The following E2F3 variants were observed in gnomAD, a reference collection of about 807,000 sequenced individuals.
The protein encoded by E2F3 is E2F transcription factor 3.
In E2F3, 11 loss-of-function variants were observed where a neutral mutation model predicts 44.4. That is an observed-to-expected ratio of 0.25 (90% CI 0.16 to 0.41). E2F3 has a LOEUF of 0.41. E2F3 is among the 10% of genes least tolerant of loss of function. The probability of loss-of-function intolerance (pLI) is 1.00; values close to 1 mark genes in which losing one functional copy is unlikely to be tolerated. For missense variants in E2F3, 487 were observed against 583.6 expected (o/e 0.83, Z 1.70); for synonymous variants, 249 against 253.0 (o/e 0.98, Z 0.15).
At chr6:20,417,313 T>C (rs992716920) in intron 1 of E2F3, among the ~76,000 whole-genome samples, 1 of 152,172 alleles carries the variant, frequency 6.6e-6, no homozygotes, top group Admixed American at 6.5e-5. Flanking sequence ...TGGTACAGTC[T>C]TCCCCCCAAT....
At chr6:20,477,914 G>A (rs940314700) in intron 1 of E2F3, among the ~76,000 whole-genome samples, 4 of 152,074 alleles carry the variant, frequency 2.6e-5, no homozygotes, top group Admixed American at 2.0e-4. Context: ...ACTCATGGCC[G>A]GGTGCAGTGG....
intron 1 of E2F3, among the ~76,000 whole-genome samples, chr6:20,478,088 A>G (rs1337849138): frequency 2.0e-5 from 3 of 151,856 alleles, no homozygotes; most frequent in Non-Finnish European, 2.9e-5. Context: ...GGTCCCATCT[A>G]CTCAGGAGGC....
chr6:20,416,154 T>C (rs965898694), intron 1 of E2F3, among the ~76,000 whole-genome samples: 2 of 152,228 alleles, frequency 1.3e-5, no homozygotes, highest in African/African-American at 4.8e-5. Context: ...CTGACATTTG[T>C]TGTCTTCCTC....
intron 5 of E2F3, 73 bp from the exon 6 acceptor site, chr6:20,488,040 T>C: frequency 6.3e-7 from 1 of 1,589,850 alleles, no homozygotes; most frequent in African/African-American, 1.4e-5. Context: ...CTTTCCATTT[T>C]TAGACAAGAA....
intron 1 of E2F3, among the ~76,000 whole-genome samples, chr6:20,428,773 G>C (rs1398796257): frequency 6.6e-6 from 1 of 152,148 alleles, no homozygotes; most frequent in Non-Finnish European, 1.5e-5. Context: ...TATTTTAATT[G>C]TTCCGTAAAT....
At chr6:20,432,540 G>A (rs1280044606) in intron 1 of E2F3, among the ~76,000 whole-genome samples, 1 of 152,250 alleles carries the variant, frequency 6.6e-6, no homozygotes, top group Non-Finnish European at 1.5e-5. Context: ...TACTTCTTCA[G>A]TGGGCTGAGT....
chr6:20,422,639 A>G (rs915315280), intron 1 of E2F3, among the ~76,000 whole-genome samples: 1 of 152,166 alleles, frequency 6.6e-6, no homozygotes, highest in Non-Finnish European at 1.5e-5. Flanking sequence ...TTAAGAGACC[A>G]TTGTGGGATT....
At chr6:20,473,563 A>AT (rs1320651089) in intron 1 of E2F3, among the ~76,000 whole-genome samples, 1 of 152,192 alleles carries the variant, frequency 6.6e-6, no homozygotes, top group Non-Finnish European at 1.5e-5. Flanking sequence ...TAATAATCTA[A>AT]TTCAGCTGCC....
Position 20,403,545 on chromosome 6 carries a change from A to G in E2F3, c.393+920A>G. ...GGTGACGTTTCGCACACGTGCGCGC[A>G]GGACGCGCCTGTGACTGGGGAGGAG... is the stretch of plus-strand genomic sequence containing the variant. On this transcript the variant is annotated intron_variant, in intron 1 of 6. Transcript: ENST00000346618. 2 of 417,788 alleles carry G rather than the reference A, an allele frequency of 4.8e-6. 1 individual carries two copies. Among genetic ancestry groups the G allele is most frequent in the South Asian group, 7.3e-5 (2 of 27,328 alleles). The allele number at this position is 417,788 out of a possible 1,614,324, so 25.9% of individuals were successfully genotyped here. A position where few individuals can be genotyped will look rare whatever the true frequency, so the allele number is the denominator to read the frequency against.
chr6:20,443,358 G>T (rs1230983399), intron 1 of E2F3, among the ~76,000 whole-genome samples: 2 of 152,168 alleles, frequency 1.3e-5, no homozygotes, highest in Non-Finnish European at 2.9e-5. Flanking sequence ...CCCAGTTTGG[G>T]ATTATTAATA....
At chr6:20,416,068 A>G (rs140970814) in intron 1 of E2F3, among the ~76,000 whole-genome samples, 2 of 152,232 alleles carry the variant, frequency 1.3e-5, no homozygotes, top group African/African-American at 4.8e-5. Context: ...TTCTTACCTC[A>G]CAGAGTTACT....
At chr6:20,411,815 G>T (rs1759683352) in intron 1 of E2F3, among the ~76,000 whole-genome samples, 1 of 152,296 alleles carries the variant, frequency 6.6e-6, no homozygotes, top group South Asian at 2.1e-4. Context: ...CTTCTTTCCT[G>T]TAACACCTCA....
At chr6:20,480,725 T>G (rs534973374) in intron 2 of E2F3, among the ~76,000 whole-genome samples, 2 of 152,234 alleles carry the variant, frequency 1.3e-5, no homozygotes, top group East Asian at 3.9e-4. Context: ...GGTGAACAGG[T>G]GATACACGCA....
At chr6:20,446,439 A>T (rs1416263486) in intron 1 of E2F3, among the ~76,000 whole-genome samples, 1 of 152,266 alleles carries the variant, frequency 6.6e-6, no homozygotes, top group African/African-American at 2.4e-5. Flanking sequence ...TACACGGCAC[A>T]TAAGGGCATT....
chr6:20,416,541 A>G (rs917306512), intron 1 of E2F3, among the ~76,000 whole-genome samples: 11 of 152,104 alleles, frequency 7.2e-5, no homozygotes, highest in Non-Finnish European at 1.3e-4. Flanking sequence ...GTGGTGCTGG[A>G]CCAGCAGCAT....
At chr6:20,411,456 C>T (rs775948990) in intron 1 of E2F3, among the ~76,000 whole-genome samples, 8 of 152,198 alleles carry the variant, frequency 5.3e-5, no homozygotes, top group Non-Finnish European at 1.0e-4. Flanking sequence ...TTCCCCTTCG[C>T]CTTGCCCTCT....
chr6:20,485,982 T>C (rs1034207687), intron 4 of E2F3, among the ~76,000 whole-genome samples: 21 of 152,122 alleles, frequency 1.4e-4, no homozygotes, highest in African/African-American at 5.1e-4. Context: ...TTCCTGCAAA[T>C]TGGAATCTGC....
chr6:20,452,124 T>C (rs1761151846), intron 1 of E2F3, among the ~76,000 whole-genome samples: 1 of 152,208 alleles, frequency 6.6e-6, no homozygotes, highest in South Asian at 2.1e-4. Flanking sequence ...ACAGTGGGAA[T>C]GGTACCAGCT....
At position 20,436,495 on chromosome 6, in the gene E2F3, A is replaced by AG. The variant is rs1491304107; in HGVS notation, c.393+33870_393+33871insG. ...CACACACACAGAGAGAGAGAGAGAG[A>AG]AAAATTTTGTAACGTTTTAAGAAAC... On this transcript the variant is annotated intron_variant, in intron 1 of 6. Coordinates refer to ENST00000346618, the MANE Select transcript of E2F3 (RefSeq NM_001949.5). Among the ~76,000 whole-genome samples, 5 of 73,040 alleles carry AG rather than the reference A, an allele frequency of 6.8e-5. No individual in the cohort carries two copies. The Admixed American group carries it at 7.4e-4, about 11-fold the overall frequency. The allele number at this position is 73,040 out of a possible 152,430, so 47.9% of individuals were successfully genotyped here. A position where few individuals can be genotyped will look rare whatever the true frequency, so the allele number is the denominator to read the frequency against.
Sources: gnomAD v4.1 joint callset for allele counts (sites outside exome capture counted in the v4.1 genomes callset) on GRCh38, gnomAD v4.1.1 for gene constraint, MANE v1.5 for transcripts, NCBI Gene and HGNC (gene_info 2026-07-23, HGNC 2026-07-21) for gene names.